Variants in ABCC4 observed in about 807,000 individuals in gnomAD.
ABCC4 encodes ATP-binding cassette sub-family C member 4.
Under a neutral mutation model 168.5 loss-of-function variants are expected in ABCC4, and 102 were observed. That is an observed-to-expected ratio of 0.61 (90% confidence interval 0.52 to 0.71). The LOEUF is 0.71. ABCC4 is among the 30% of genes least tolerant of loss of function. ABCC4 has a pLI of 0.00. For missense variants in ABCC4, 1,402 were observed against 1,605.8 expected, an observed-to-expected ratio of 0.87 and a Z score of 2.17; for synonymous variants, 617 against 590.7, an observed-to-expected ratio of 1.04 and a Z score of -0.65.
At chr13:95,270,369 A>C (rs56146698) in intron 1 of ABCC4, among the ~76,000 whole-genome samples, 1 of 149,572 alleles carries the variant, frequency 6.7e-6, no homozygotes, top group African/African-American at 2.5e-5. Flanking sequence ...AAAGAAAAGA[A>C]AAATAGGAAA....
At chr13:95,054,950 A>T (rs573656560) in intron 26 of ABCC4, among the ~76,000 whole-genome samples, 1 of 152,342 alleles carries the variant, frequency 6.6e-6, no homozygotes, top group South Asian at 2.1e-4. Flanking sequence ...GTGCCACCAA[A>T]AACATAAGTC....
intron 19 of ABCC4, among the ~76,000 whole-genome samples, chr13:95,140,320 C>A (rs1005496005): frequency 6.6e-6 from 1 of 152,208 alleles, no homozygotes; most frequent in Non-Finnish European, 1.5e-5. Context: ...GACAGCCAAA[C>A]AGGCTACAGA....
intron 16 of ABCC4, among the ~76,000 whole-genome samples, chr13:95,163,900 A>G (rs1264818075): frequency 1.3e-5 from 2 of 151,960 alleles, no homozygotes; most frequent in East Asian, 3.9e-4. Flanking sequence ...CTAGCTGGGC[A>G]TGGTGGCACA....
chr13:95,185,624 A>T (rs2038033268), intron 11 of ABCC4, among the ~76,000 whole-genome samples: 1 of 152,254 alleles, frequency 6.6e-6, no homozygotes, highest in African/African-American at 2.4e-5. Flanking sequence ...TAGGATGTCC[A>T]GGCCACACTG....
rs772079969 is a variant in ABCC4, at chr13:95,163,614, A to G, written c.2209T>C (p.Tyr737His). ...AYVLQDWWLS[Y>H]WANKQSMLNV... is the part of the protein sequence containing the mutation. ...ATCAGACCAGAAATAACTTACCAGT[A>G]TGAAAGCCACCAATCTTGAAGCACA... Residue 737 changes from tyrosine to histidine, a missense_variant, in exon 17 of 31, where the codon TAC (tyrosine) becomes CAC (histidine). Tyr to His is a moderately conservative substitution (Grantham distance 83). This residue lies in a region of ABCC4 where 1,007 missense variants were observed against 1,127.3 expected (regional missense o/e 0.89). Transcript: ENST00000645237. 5 of 1,612,274 alleles carry G rather than the reference A, an allele frequency of 3.1e-6. No homozygotes were observed. The highest frequency in any genetic ancestry group is 4.2e-6 in the Non-Finnish European group (5 of 1,178,810).
intron 19 of ABCC4, among the ~76,000 whole-genome samples, chr13:95,120,912 C>T (rs1460604623): frequency 1.3e-5 from 2 of 152,200 alleles, no homozygotes; most frequent in Non-Finnish European, 2.9e-5. Flanking sequence ...AGGATGACAG[C>T]ATCTATGACA....
intron 1 of ABCC4, among the ~76,000 whole-genome samples, chr13:95,280,745 C>T (rs905060988): frequency 6.6e-6 from 1 of 151,922 alleles, no homozygotes; most frequent in Non-Finnish European, 1.5e-5. Context: ...GAATTCCTCC[C>T]GAGGAACTGT....
intron 26 of ABCC4, among the ~76,000 whole-genome samples, chr13:95,053,532 A>C (rs2032927079): frequency 6.6e-6 from 1 of 152,254 alleles, no homozygotes; most frequent in South Asian, 2.1e-4. Flanking sequence ...GAATAGAGCT[A>C]TAGAAATTAA....
intron 1 of ABCC4, among the ~76,000 whole-genome samples, chr13:95,251,825 C>G (rs1160530726): frequency 6.6e-6 from 1 of 152,198 alleles, no homozygotes; most frequent in African/African-American, 2.4e-5. Context: ...GTCATCCCCC[C>G]ATATCCACAG....
At chr13:95,153,038 T>G (rs534582485) in intron 19 of ABCC4, among the ~76,000 whole-genome samples, 1 of 152,306 alleles carries the variant, frequency 6.6e-6, no homozygotes, top group Admixed American at 6.5e-5. Context: ...CAATATTTAT[T>G]CATGTTGAAA....
intron 21 of ABCC4, among the ~76,000 whole-genome samples, chr13:95,080,486 C>T (rs1423422939): frequency 6.6e-6 from 1 of 152,178 alleles, no homozygotes; most frequent in Non-Finnish European, 1.5e-5. Flanking sequence ...CAACCTCTGC[C>T]TCCTGGGTTC....
At chr13:95,161,936 C>T (rs2037112903) in intron 18 of ABCC4, 1 of 152,126 alleles carries the variant, frequency 6.6e-6, no homozygotes, top group Non-Finnish European at 1.5e-5. Flanking sequence ...TACATAGACA[C>T]AAGACATTTT....
chr13:95,184,196 G>T (rs547819807), intron 11 of ABCC4, among the ~76,000 whole-genome samples: 13 of 152,298 alleles, frequency 8.5e-5, no homozygotes, highest in Admixed American at 7.2e-4. Flanking sequence ...AGGTGGCTAC[G>T]GAAGAGGCTG....
intron 30 of ABCC4, among the ~76,000 whole-genome samples, chr13:95,022,695 C>G (rs938821648): frequency 6.6e-6 from 1 of 152,124 alleles, no homozygotes; most frequent in Non-Finnish European, 1.5e-5. Context: ...CTTAGTCATA[C>G]GATTCTGGAT....
intron 30 of ABCC4, among the ~76,000 whole-genome samples, chr13:95,028,620 C>T (rs772259641): frequency 4.0e-5 from 6 of 151,702 alleles, no homozygotes; most frequent in Non-Finnish European, 7.4e-5. Context: ...AAATTCACAG[C>T]GCTAAAATAC....
intron 30 of ABCC4, among the ~76,000 whole-genome samples, chr13:95,025,886 A>C (rs913670863): frequency 6.6e-6 from 1 of 152,180 alleles, no homozygotes; most frequent in African/African-American, 2.4e-5. Flanking sequence ...ATGAGTTGAC[A>C]GTGGTCAAAA....
chr13:95,034,414 G>A (rs144448392), intron 30 of ABCC4, among the ~76,000 whole-genome samples, 191 bp downstream of exon 30: 255 of 152,190 alleles, frequency 1.7e-3, no homozygotes, highest in African/African-American at 5.9e-3. Context: ...ACCCCTACCC[G>A]CTTCTGCCAA....
At chr13:95,276,112 C>T (rs1191628721) in intron 1 of ABCC4, among the ~76,000 whole-genome samples, 1 of 152,126 alleles carries the variant, frequency 6.6e-6, no homozygotes, top group Admixed American at 6.6e-5. Context: ...TCTCAGGGCA[C>T]TTTTTAAAAC....
intron 1 of ABCC4, among the ~76,000 whole-genome samples, chr13:95,300,054 C>T: frequency 6.6e-6 from 1 of 152,202 alleles, no homozygotes; most frequent in South Asian, 2.1e-4. Context: ...GTCAGCCAGG[C>T]TGGTCTCGAA....
Sources: gnomAD v4.1 joint callset for allele counts (sites outside exome capture counted in the v4.1 genomes callset) on GRCh38, gnomAD v4.1.1 for gene constraint, gnomAD v4.1.1 regional missense constraint, MANE v1.5 for transcripts, NCBI Gene and HGNC (gene_info 2026-07-23, HGNC 2026-07-21) for gene names.